Variants in GARRE1 observed in about 807,000 individuals in gnomAD.
GARRE1 encodes the protein granule associated Rac and RHOG effector protein 1.
Under a neutral mutation model 103.2 loss-of-function variants are expected in GARRE1, and 49 were observed. The observed-to-expected ratio is 0.47, with a 90% CI of 0.38 to 0.60. GARRE1 has a LOEUF of 0.60. Ranked by LOEUF, GARRE1 falls within the 20% of genes least tolerant of loss-of-function variation. The pLI is 0.00. For missense variants in GARRE1, 1,199 were observed against 1,370.5 expected (o/e 0.87, Z 1.98); for synonymous variants, 505 against 532.8 (o/e 0.95, Z 0.72).
At chr19:34,285,681 T>C (rs1367968147) in intron 1 of GARRE1, among the ~76,000 whole-genome samples, 1 of 152,104 alleles carries the variant, frequency 6.6e-6, no homozygotes, top group Non-Finnish European at 1.5e-5. Flanking sequence ...TGACCTTTTT[T>C]TTTTGTTTGT....
chr19:34,259,119 G>T (rs535172912), intron 1 of GARRE1, among the ~76,000 whole-genome samples: 1 of 152,188 alleles, frequency 6.6e-6, no homozygotes, highest in Non-Finnish European at 1.5e-5. Flanking sequence ...AGTGAACTGT[G>T]ATTGTGCCAC....
At chr19:34,328,217 A>G in intron 6 of GARRE1, 66 bp downstream of exon 6, 1 of 1,554,658 alleles carries the variant, frequency 6.4e-7, no homozygotes, top group Non-Finnish European at 8.8e-7. Flanking sequence ...AGAGAAATGT[A>G]AAGGCTTGCG....
rs2073995709 is a variant in GARRE1 at position 34,304,243 on chromosome 19, A to G, written c.495+3275A>G. ...GTAGCTGGGATTACAGGCATGTGCCAACACACCCAGCAAATTTTTGTATTT... is the reference window on the plus strand; with the variant it reads ...GTAGCTGGGATTACAGGCATGTGCCGACACACCCAGCAAATTTTTGTATTT... On this transcript the variant is annotated intron_variant, in intron 2 of 13. Coordinates refer to ENST00000299505, the MANE Select transcript of GARRE1 (RefSeq NM_014686.5). Among the ~76,000 whole-genome samples the G allele has an allele frequency of 2.0e-5, 3 of 152,006 alleles. No individual in the cohort carries two copies. The South Asian group carries it at 6.2e-4, about 32-fold the overall frequency.
intron 8 of GARRE1, among the ~76,000 whole-genome samples, chr19:34,338,346 G>A (rs910972089): frequency 6.6e-6 from 1 of 152,120 alleles, no homozygotes; most frequent in African/African-American, 2.4e-5. Flanking sequence ...GACCAGCCTG[G>A]GCAACATAGC....
chr19:34,327,711 A>G (rs1408309238), intron 4 of GARRE1, 60 bp from the exon 5 acceptor site: 5 of 1,523,172 alleles, frequency 3.3e-6, no homozygotes, highest in Non-Finnish European at 3.6e-6. Context: ...ATTTCCATTG[A>G]ACTTTGTCAT....
intron 12 of GARRE1, 78 bp downstream of exon 12, chr19:34,349,231 C>G: frequency 6.9e-7 from 1 of 1,441,278 alleles, no homozygotes; most frequent in Admixed American, 1.7e-5. Flanking sequence ...CTGGGAAAGC[C>G]AGGAGCCCAG....
At chr19:34,275,847 A>T (rs2073814063) in intron 1 of GARRE1, among the ~76,000 whole-genome samples, 1 of 152,206 alleles carries the variant, frequency 6.6e-6, no homozygotes, top group Admixed American at 6.5e-5. Flanking sequence ...CCTGAGCAGT[A>T]TATGAGGATT....
At chr19:34,332,940 T>G (rs2074144026) in intron 7 of GARRE1, among the ~76,000 whole-genome samples, 1 of 152,216 alleles carries the variant, frequency 6.6e-6, no homozygotes, top group South Asian at 2.1e-4. Flanking sequence ...CCTGAAGTAA[T>G]TCAGTTTTTA....
intron 3 of GARRE1, among the ~76,000 whole-genome samples, chr19:34,323,196 T>A (rs2074097735): frequency 6.6e-6 from 1 of 151,858 alleles, no homozygotes; most frequent in Non-Finnish European, 1.5e-5. Flanking sequence ...CTCACCTGGC[T>A]AATTTTTTGT....
intron 1 of GARRE1, among the ~76,000 whole-genome samples, chr19:34,278,465 A>G (rs2073831142): frequency 6.6e-6 from 1 of 150,908 alleles, no homozygotes. Context: ...AAAAAAAAAA[A>G]AAGTCTTGCC....
In GARRE1 at chr19:34,327,451, G is replaced by A; in HGVS notation, c.736G>A (p.Asp246Asn). 6.2e-7 allele frequency: 1 copy of A among 1,614,110 alleles called. No homozygotes were observed. Among genetic ancestry groups the A allele is most frequent in the Non-Finnish European group, 8.5e-7 (1 of 1,180,006 alleles). Residue 246 changes from aspartate to asparagine, a missense_variant, in exon 4 of 14, where the codon GAT becomes AAT. Coordinates refer to ENST00000299505, the MANE Select transcript of GARRE1 (RefSeq NM_014686.5). ...ATSRLRERGC[D>N]GCLAGIEVQQ... ...ATCTAGACTAAGAGAAAGAGGCTGTGATGGTTGCCTGGCAGGAATTGAAGT... is the reference window on the plus strand; with the variant it reads ...ATCTAGACTAAGAGAAAGAGGCTGTAATGGTTGCCTGGCAGGAATTGAAGT...
At chr19:34,305,135 A>G (rs1599765263) in intron 2 of GARRE1, among the ~76,000 whole-genome samples, 1 of 152,198 alleles carries the variant, frequency 6.6e-6, no homozygotes, top group Admixed American at 6.5e-5. Context: ...ATAAAAAAGC[A>G]TGCCTTTACT....
chr19:34,341,342 AT>A, intron 9 of GARRE1, 79 bp from the exon 10 acceptor site: 2 of 1,244,188 alleles, frequency 1.6e-6, no homozygotes, highest in South Asian at 2.9e-5. Flanking sequence ...TCTCAACGCC[AT>A]TCTTAAATAC....
Position 34,327,783 on chromosome 19 carries a change from G to T in GARRE1, c.859G>T (p.Ala287Ser), listed in dbSNP as rs1336339885. Residue 287 changes from alanine (A) to serine (S), a missense_variant, in exon 5 of 14, where the codon GCT (alanine) becomes TCT (serine). Coordinates refer to ENST00000299505, the MANE Select transcript of GARRE1 (RefSeq NM_014686.5). ...AATTTATTTCCAGGCATATAAGATA[G>T]CTCTGGAAAGCTTAGGACACTGTGA... ...IDSALQAYKIALESLGHCEYA... is the reference protein window; with the variant it reads ...IDSALQAYKISLESLGHCEYA... 3.1e-6 allele frequency: 5 copies of T among 1,613,240 alleles called. No individual in the cohort carries two copies. The highest frequency in any genetic ancestry group is 1.7e-5 in the Admixed American group (1 of 59,982).
At chr19:34,296,062 A>G (rs1445535784) in intron 1 of GARRE1, among the ~76,000 whole-genome samples, 2 of 151,408 alleles carry the variant, frequency 1.3e-5, no homozygotes, top group Non-Finnish European at 2.9e-5. Flanking sequence ...TTTGGTTACT[A>G]TAGCTTTATA....
At chr19:34,278,590 C>T (rs1323001765) in intron 1 of GARRE1, among the ~76,000 whole-genome samples, 1 of 152,048 alleles carries the variant, frequency 6.6e-6, no homozygotes, top group Non-Finnish European at 1.5e-5. Context: ...TATGGAATCA[C>T]ACAGTATTTG....
chr19:34,273,887 C>T (rs777645540), intron 1 of GARRE1, among the ~76,000 whole-genome samples: 1 of 151,724 alleles, frequency 6.6e-6, no homozygotes, highest in Non-Finnish European at 1.5e-5. Context: ...GGTGTTGGGG[C>T]GGTGTAAGAA....
intron 7 of GARRE1, 39 bp from the exon 8 acceptor site, chr19:34,333,665 T>C: frequency 9.0e-7 from 1 of 1,107,854 alleles, no homozygotes; most frequent in Non-Finnish European, 1.3e-6. Flanking sequence ...CTCTGAAAGC[T>C]GGTTGTTATT....
At chr19:34,320,170 G>C in intron 3 of GARRE1, 54 bp downstream of exon 3, 2 of 1,463,274 alleles carry the variant, frequency 1.4e-6, no homozygotes, top group Non-Finnish European at 1.9e-6. Context: ...AGAGGCTCCA[G>C]AGGGCCTTTG....
Sources: allele counts gnomAD v4.1 joint callset (sites outside exome capture counted in the v4.1 genomes callset), GRCh38; gene constraint gnomAD v4.1.1; transcripts MANE v1.5; gene names NCBI Gene and HGNC (gene_info 2026-07-23, HGNC 2026-07-21).